The following FAM210A variants were observed in gnomAD, a reference collection of about 807,000 sequenced individuals.
FAM210A encodes the protein family with sequence similarity 210 member A.
In FAM210A, 13 loss-of-function variants were observed where a neutral mutation model predicts 25.3. The observed-to-expected ratio is 0.51, with a 90% CI of 0.33 to 0.82. The LOEUF (loss-of-function observed/expected upper bound fraction) is 0.82. Ranked by LOEUF, FAM210A falls within the 40% of genes least tolerant of loss-of-function variation. The pLI is 0.02. For synonymous variants in FAM210A, 125 were observed against 118.7 expected (o/e 1.05, Z -0.35); for missense variants, 319 against 323.2 (o/e 0.99, Z 0.10).
chr18:13,690,278 AT>A (rs1320320072), intron 1 of FAM210A, among the ~76,000 whole-genome samples: 3 of 152,230 alleles, frequency 2.0e-5, no homozygotes, highest in Non-Finnish European at 4.4e-5. Context: ...GGTGGAGTCC[AT>A]TGCAGCTCAA....
chr18:13,708,196 A>G (rs1475793002), intron 1 of FAM210A, among the ~76,000 whole-genome samples: 3 of 152,214 alleles, frequency 2.0e-5, no homozygotes, highest in Non-Finnish European at 4.4e-5. Context: ...TAATTTGCTA[A>G]GAAGGATTTA....
Position 13,702,985 on chromosome 18 carries a change from AAT to A in FAM210A, c.-28-20882_-28-20881del, listed in dbSNP as rs546213730. The stretch of plus-strand genomic sequence containing the variant: ...GACCACTGTGGTTAAAAGTCAGCTT[AAT>A]TACAAGCAGATATTCAAGCTCTAAC... On this transcript the variant is annotated intron_variant, in intron 1 of 3. Coordinates refer to ENST00000651643, the MANE Select transcript of FAM210A (RefSeq NM_152352.4). Among the ~76,000 whole-genome samples the A allele has an allele frequency of 1.1e-3, 168 of 152,348 alleles. No homozygotes were observed. The Middle Eastern group carries it at 0.014, about 12-fold the overall frequency.
rs542028804 is a variant in FAM210A at position 13,682,793 on chromosome 18, C to T, written c.-28-688G>A. On this transcript the variant is annotated intron_variant, in intron 1 of 3. Transcript: ENST00000651643. ...CTGAGGCATGAGAATTGCTTGAACC[C>T]AGGAGGTGGAGATTGCAGTGAGTTG... 6.7e-4 allele frequency among the ~76,000 whole-genome samples: 102 copies of T among 152,230 alleles called. 1 individual carries two copies. The highest frequency in any genetic ancestry group is 2.3e-3 in the African/African-American group (97 of 41,516).
chr18:13,700,622 T>C (rs889583872), intron 1 of FAM210A, among the ~76,000 whole-genome samples: 1 of 152,192 alleles, frequency 6.6e-6, no homozygotes, highest in African/African-American at 2.4e-5. Flanking sequence ...AGCCCATCAC[T>C]TGTCCAGAAT....
At chr18:13,674,069 T>A (rs1281792870) in intron 2 of FAM210A, among the ~76,000 whole-genome samples, 1 of 151,108 alleles carries the variant, frequency 6.6e-6, no homozygotes, top group African/African-American at 2.4e-5. Context: ...GTTTCCTGAT[T>A]ATTATAATTC....
At chr18:13,692,552 G>A (rs1347441207) in intron 1 of FAM210A, among the ~76,000 whole-genome samples, 2 of 151,872 alleles carry the variant, frequency 1.3e-5, no homozygotes, top group African/African-American at 4.8e-5. Flanking sequence ...ATAACAAACT[G>A]TCTCTCAGAC....
At chr18:13,694,255 G>A (rs889879915) in intron 1 of FAM210A, among the ~76,000 whole-genome samples, 20 of 100,132 alleles carry the variant, frequency 2.0e-4, no homozygotes, top group African/African-American at 6.2e-4. Context: ...AACATTCCAT[G>A]CTTACGGATA....
At chr18:13,672,694 C>A (rs1173838277) in intron 2 of FAM210A, among the ~76,000 whole-genome samples, 1 of 152,194 alleles carries the variant, frequency 6.6e-6, no homozygotes, top group Admixed American at 6.5e-5. Flanking sequence ...AGGCATGAGC[C>A]ACAGTGCCCA....
chr18:13,693,794 T>A (rs911003664), intron 1 of FAM210A, among the ~76,000 whole-genome samples: 4 of 152,100 alleles, frequency 2.6e-5, no homozygotes, highest in African/African-American at 9.7e-5. Context: ...GAGCAAAAAC[T>A]GGAAGCATTC....
intron 1 of FAM210A, among the ~76,000 whole-genome samples, chr18:13,690,316 C>T (rs1183596588): frequency 6.6e-6 from 1 of 152,214 alleles, no homozygotes; most frequent in African/African-American, 2.4e-5. Context: ...CTGTAGACAC[C>T]ACCTCTGAGG....
In FAM210A at chr18:13,665,502, T is replaced by A. The variant is rs1008777151; in HGVS notation, c.*978A>T. The A allele has an allele frequency of 6.6e-6, 1 of 151,352 alleles. No individual in the cohort carries two copies. The highest frequency in any genetic ancestry group is 1.5e-5 in the Non-Finnish European group (1 of 67,960). The allele number at this position is 151,352 out of a possible 1,614,324, so 9.4% of individuals were successfully genotyped here. On this transcript the variant is annotated 3_prime_UTR_variant, in exon 4 of 4. Transcript: ENST00000651643. ...ACTTTACTCCATAATGAAATCAGCA[T>A]GAATTCTGAAACTAAGACATTGGGA...
Position 13,686,784 on chromosome 18 carries a change from C to T in FAM210A, c.-28-4679G>A, listed in dbSNP as rs553996336. Reference sequence around the variant, plus strand: ...AAGAAATGGAATCAAAAATTAATATCCTTTCCAAAAACAAACAAACAAAAA... The same window carrying T: ...AAGAAATGGAATCAAAAATTAATATTCTTTCCAAAAACAAACAAACAAAAA... On this transcript the variant is annotated intron_variant, in intron 1 of 3. Transcript: ENST00000651643. Among the ~76,000 whole-genome samples the T allele has an allele frequency of 2.6e-5, 4 of 152,190 alleles. No homozygotes were observed. In the South Asian group the frequency reaches 8.3e-4, roughly 32 times the overall value.
chr18:13,663,531 C>G lies in FAM210A; in HGVS notation c.*2949G>C, dbSNP rs1043444204. 2.0e-5 allele frequency: 3 copies of G among 152,146 alleles called. No homozygotes were observed. Among genetic ancestry groups the G allele is most frequent in the African/African-American group, 7.2e-5 (3 of 41,424 alleles). The allele number at this position is 152,146 out of a possible 1,614,324, so 9.4% of individuals were successfully genotyped here. ...GCTCTTATTCCTGAATAAACTAAGT[C>G]TCTCACCTAATCCATCTTTCATTTC... On this transcript the variant is annotated 3_prime_UTR_variant, in exon 4 of 4. Coordinates refer to ENST00000651643, the MANE Select transcript of FAM210A (RefSeq NM_152352.4).
rs955566965 is a variant in FAM210A at position 13,665,800 on chromosome 18, A to C, written c.*680T>G. The C allele has an allele frequency of 6.6e-6, 1 of 152,168 alleles. No homozygotes were observed. Among genetic ancestry groups the C allele is most frequent in the African/African-American group, 2.4e-5 (1 of 41,364 alleles). The allele number at this position is 152,168 out of a possible 1,614,324, so 9.4% of individuals were successfully genotyped here. A position where few individuals can be genotyped will look rare whatever the true frequency, so the allele number is the denominator to read the frequency against. On this transcript the variant is annotated 3_prime_UTR_variant, in exon 4 of 4. Coordinates refer to ENST00000651643, the MANE Select transcript of FAM210A (RefSeq NM_152352.4). ...ACCACTAATACACACTTTGAAAAGT[A>C]CCATCACCATATATATATTTGCTTT...
intron 1 of FAM210A, among the ~76,000 whole-genome samples, chr18:13,695,617 G>C (rs1026485181): frequency 2.7e-5 from 4 of 150,756 alleles, no homozygotes; most frequent in Non-Finnish European, 5.9e-5. Context: ...TGCAAGGACA[G>C]AAAACCAAAC....
intron 1 of FAM210A, among the ~76,000 whole-genome samples, chr18:13,709,171 T>C (rs528721988): frequency 1.3e-5 from 2 of 152,302 alleles, no homozygotes; most frequent in South Asian, 4.1e-4. Context: ...GCTGACCATA[T>C]ATATGGCATC....
chr18:13,697,634 C>G (rs1239873280), intron 1 of FAM210A: 1 of 125,672 alleles, frequency 8.0e-6, no homozygotes, highest in Non-Finnish European at 1.6e-5. Flanking sequence ...TCACTTGAAC[C>G]TGGGAGGTGG....
At chr18:13,682,206 C>T in intron 1 of FAM210A, 101 bp from the exon 2 acceptor site, 1 of 763,148 alleles carries the variant, frequency 1.3e-6, no homozygotes, top group Non-Finnish European at 2.1e-6. Context: ...AGTAAAAAGA[C>T]AGACACTGCT....
chr18:13,673,830 C>A (rs1297045155), intron 2 of FAM210A, among the ~76,000 whole-genome samples: 1 of 148,844 alleles, frequency 6.7e-6, no homozygotes, highest in Admixed American at 6.7e-5. Flanking sequence ...TTCTTTATTT[C>A]CGGTTTCCTG....
Sources: gnomAD v4.1 joint callset for allele counts (sites outside exome capture counted in the v4.1 genomes callset) on GRCh38, gnomAD v4.1.1 for gene constraint, MANE v1.5 for transcripts, NCBI Gene and HGNC (gene_info 2026-07-23, HGNC 2026-07-21) for gene names.